Variants in LRRIQ1 observed in about 807,000 individuals in gnomAD.
LRRIQ1 encodes leucine-rich repeat- and IQ domain-containing protein 1.
Under a neutral mutation model 211.9 loss-of-function variants are expected in LRRIQ1, and 210 were observed. The observed-to-expected ratio is 0.99, with a 90% confidence interval of 0.89 to 1.11. The LOEUF is 1.11. LRRIQ1 is among the 50% of genes most tolerant of loss of function. The pLI is 0.00. For synonymous variants in LRRIQ1, 699 were observed against 650.1 expected, an observed-to-expected ratio of 1.08 and a Z score of -1.14; for missense variants, 2,136 against 1,939.5, an observed-to-expected ratio of 1.10 and a Z score of -1.90.
chr12:85,262,708 TA>T (rs1433531253), intron 1 of LRRIQ1, among the ~76,000 whole-genome samples: 3 of 152,120 alleles, frequency 2.0e-5, no homozygotes, highest in Non-Finnish European at 4.4e-5. Flanking sequence ...ACCCTCCCTC[TA>T]TTTAACCTAA....
intron 14 of LRRIQ1, among the ~76,000 whole-genome samples, chr12:85,104,502 T>C (rs2136311977): frequency 6.6e-6 from 1 of 152,116 alleles, no homozygotes; most frequent in African/African-American, 2.4e-5. Flanking sequence ...AGCCACAGAC[T>C]GAATTTATCA....
intron 19 of LRRIQ1, among the ~76,000 whole-genome samples, chr12:85,150,103 G>A (rs1334067792): frequency 6.6e-6 from 1 of 151,666 alleles, no homozygotes; most frequent in Admixed American, 6.6e-5. Context: ...AGGTGTTTAA[G>A]AAAACAAAAA....
intron 24 of LRRIQ1, among the ~76,000 whole-genome samples, chr12:85,214,261 C>G (rs1567170): frequency 6.6e-6 from 1 of 151,890 alleles, no homozygotes; most frequent in African/African-American, 2.4e-5. Context: ...AATTGGAAGA[C>G]TAAATATTAA....
chr12:85,038,301 G>A lies in LRRIQ1; in HGVS notation c.125G>A (p.Ser42Asn), dbSNP rs1242711358. The A allele has an allele frequency of 3.2e-6, 5 of 1,562,718 alleles. No individual in the cohort carries two copies. The highest frequency in any genetic ancestry group is 1.8e-5 in the Admixed American group (1 of 54,644). Residue 42 changes from serine to asparagine, a missense_variant, in exon 2 of 27, where the codon AGT becomes AAT. Physicochemically the swap from Ser to Asn is conservative, Grantham distance 46. Transcript: ENST00000393217. ...AAATCAGAAACCCAGAGTGATGATAGTGATACAGTGAGTATTGCACTTTTG... is the reference window on the plus strand; with the variant it reads ...AAATCAGAAACCCAGAGTGATGATAATGATACAGTGAGTATTGCACTTTTG... ...DAKSETQSDDSDTDSVELPES... is the reference protein window; with the variant it reads ...DAKSETQSDDNDTDSVELPES...
intron 24 of LRRIQ1, among the ~76,000 whole-genome samples, 170 bp downstream of exon 24, chr12:85,160,884 T>C (rs1355010585): frequency 2.0e-5 from 3 of 152,018 alleles, no homozygotes; most frequent in Non-Finnish European, 4.4e-5. Context: ...AAGTGCTAAT[T>C]TAGTGTGCTG....
intron 24 of LRRIQ1, among the ~76,000 whole-genome samples, chr12:85,210,101 T>C (rs565068735): frequency 2.0e-4 from 30 of 152,336 alleles, no homozygotes; most frequent in Admixed American, 1.7e-3. Context: ...TAGTTTTTCA[T>C]ATTTGTTCCC....
In LRRIQ1 at chr12:85,124,312, G is replaced by T. The variant is rs1473503537; in HGVS notation, c.3800G>T (p.Trp1267Leu). 6.2e-7 allele frequency: 1 copy of T among 1,614,076 alleles called. No homozygotes were observed. Among genetic ancestry groups the T allele is most frequent in the Admixed American group, 1.7e-5 (1 of 60,010 alleles). Residue 1267 changes from tryptophan (W) to leucine (L), a missense_variant, in exon 17 of 27, where the codon TGG becomes TTG. Trp to Leu is a moderately conservative substitution (Grantham distance 61). Coordinates refer to ENST00000393217, the MANE Select transcript of LRRIQ1 (RefSeq NM_001079910.2). Reference sequence around the variant, plus strand: ...GACTCACCAGATATTCCTGAGAAATGGATGGACTCTGTCTCCAGCCACTCC... The same window carrying T: ...GACTCACCAGATATTCCTGAGAAATTGATGGACTCTGTCTCCAGCCACTCC... The part of the protein sequence containing the change: ...EPDSPDIPEK[W>L]MDSVSSHSPL...
chr12:85,250,542 C>G (rs986358933), intron 1 of LRRIQ1, among the ~76,000 whole-genome samples: 1 of 150,596 alleles, frequency 6.6e-6, no homozygotes, highest in African/African-American at 2.4e-5. Context: ...GACCTTGAGA[C>G]CAGCCTGAGC....
rs1460957064 is a variant in LRRIQ1 at position 85,153,701 on chromosome 12, A to G, written c.4580A>G (p.Lys1527Arg). The G allele has an allele frequency of 6.3e-7, 1 of 1,587,418 alleles. No homozygotes were observed. Among genetic ancestry groups the G allele is most frequent in the Non-Finnish European group, 8.6e-7 (1 of 1,169,134 alleles). ...ACTTCTTCCTGGACACCTGAATCAA[A>G]GACCAGTAGAAAGAGTTTGCTAAAA... ...NKTSSWTPESKTSRKSLLKSE... is the reference protein window; with the variant it reads ...NKTSSWTPESRTSRKSLLKSE... The change falls in exon 22 of 27, where the codon AAG becomes AGG. Residue 1527 changes from lysine (K) to arginine (R), a missense_variant. Coordinates refer to ENST00000393217, the MANE Select transcript of LRRIQ1 (RefSeq NM_001079910.2).
rs894490781 is a variant in LRRIQ1 at position 85,137,620 on chromosome 12, A to T, written c.4210-230A>T. ...ATGTGCAGTTGAGGGAGTTTTAAAG[A>T]TTCTTTTTTGCTTACTACAAGGAAA... is the stretch of plus-strand genomic sequence containing the variant. On this transcript the variant is annotated intron_variant, in intron 18 of 26. Coordinates refer to ENST00000393217, the MANE Select transcript of LRRIQ1 (RefSeq NM_001079910.2). Among the ~76,000 whole-genome samples, 6 of 151,592 alleles carry T rather than the reference A, an allele frequency of 4.0e-5. No individual in the cohort carries two copies. In the South Asian group the frequency reaches 1.2e-3, roughly 31 times the overall value.
At chr12:85,239,501 G>C (rs765831661) in intron 26 of LRRIQ1, among the ~76,000 whole-genome samples, 27 of 151,812 alleles carry the variant, frequency 1.8e-4, no homozygotes, top group Non-Finnish European at 3.2e-4. Context: ...ACACTTGTAA[G>C]GTCAATTGAT....
chr12:85,212,410 T>TA (rs1011455948), intron 24 of LRRIQ1, among the ~76,000 whole-genome samples: 20 of 152,056 alleles, frequency 1.3e-4, no homozygotes, highest in Admixed American at 3.9e-4. Context: ...TCAAGAGAAA[T>TA]ACGTTTTTTT....
chr12:85,057,104 G>T lies in LRRIQ1; in HGVS notation c.2311G>T (p.Val771Leu). ...GAAAATTGTTAGAAGAAAGAGACCT[G>T]TGAAATGCCCAGCCAACATGACACC... ...QKKIVRRKRP[V>L]KCPANMTPAL... The change falls in exon 8 of 27, where the codon GTG becomes TTG. Residue 771 changes from valine (V) to leucine (L), a missense_variant. Coordinates refer to ENST00000393217, the MANE Select transcript of LRRIQ1 (RefSeq NM_001079910.2). 1 of 1,604,552 alleles carries T rather than the reference G, an allele frequency of 6.2e-7. No homozygotes were observed. The highest frequency in any genetic ancestry group is 8.5e-7 in the Non-Finnish European group (1 of 1,177,012).
intron 24 of LRRIQ1, among the ~76,000 whole-genome samples, chr12:85,176,742 T>TA (rs1255225021): frequency 8.1e-6 from 1 of 123,196 alleles, no homozygotes; most frequent in African/African-American, 5.0e-5. Flanking sequence ...TAAAGTATAA[T>TA]AAAAAATAAA....
At chr12:85,197,876 T>A (rs187332824) in intron 24 of LRRIQ1, among the ~76,000 whole-genome samples, 2 of 130,612 alleles carry the variant, frequency 1.5e-5, no homozygotes, top group Non-Finnish European at 1.6e-5. Context: ...TATAATAAAT[T>A]TAATAAAACA....
intron 23 of LRRIQ1, 97 bp downstream of exon 23, chr12:85,154,191 T>A: frequency 1.6e-6 from 1 of 606,170 alleles, no homozygotes; most frequent in Non-Finnish European, 2.5e-6. Context: ...ATAAGAACAG[T>A]AATCAATTCA....
At chr12:85,218,289 C>G (rs893361756) in intron 24 of LRRIQ1, among the ~76,000 whole-genome samples, 3 of 151,882 alleles carry the variant, frequency 2.0e-5, no homozygotes, top group African/African-American at 4.8e-5. Context: ...CAGTCTTTCC[C>G]TCCTGTCAGT....
intron 24 of LRRIQ1, among the ~76,000 whole-genome samples, chr12:85,194,772 C>A (rs1892800279): frequency 6.6e-6 from 1 of 152,014 alleles, no homozygotes; most frequent in Admixed American, 6.6e-5. Context: ...ACTAGAAAAG[C>A]AAGAGCAAAC....
chr12:85,047,987 T>TAA, intron 6 of LRRIQ1: 1 of 145,976 alleles, frequency 6.9e-6, no homozygotes, highest in Non-Finnish European at 1.5e-5. Flanking sequence ...GTTGTTGGTG[T>TAA]TGTTTTCCCC....
Sources: gnomAD v4.1 joint callset for allele counts (sites outside exome capture counted in the v4.1 genomes callset) on GRCh38, gnomAD v4.1.1 for gene constraint, MANE v1.5 for transcripts, NCBI Gene and HGNC (gene_info 2026-07-23, HGNC 2026-07-21) for gene names.